Variants in FOXK2 observed in about 807,000 individuals in gnomAD.
FOXK2 encodes the protein forkhead box K2.
In FOXK2, 24 loss-of-function variants were observed where a neutral mutation model predicts 53.3. That is an observed-to-expected ratio of 0.45 (90% CI 0.33 to 0.63). The LOEUF is 0.63. FOXK2 is among the 30% of genes least tolerant of loss of function. The probability of loss-of-function intolerance (pLI) is 0.03; values close to 1 mark genes in which losing one functional copy is unlikely to be tolerated. For missense variants in FOXK2, 952 were observed against 910.5 expected (o/e 1.05, Z -0.59); for synonymous variants, 505 against 407.1 (o/e 1.24, Z -2.89).
chr17:82,538,325 C>T (rs1368902963), intron 1 of FOXK2, among the ~76,000 whole-genome samples: 4 of 152,048 alleles, frequency 2.6e-5, no homozygotes, highest in Non-Finnish European at 5.9e-5. Context: ...TCTTTCTCTA[C>T]AAAAAATTTA....
rs1190543261 is a variant in FOXK2 at position 82,596,048 on chromosome 17, G to A, written c.1787-5255G>A. On this transcript the variant is annotated intron_variant, in intron 8 of 8. Transcript: ENST00000335255. ...CGCGTCTGTGCATCTCTGGCCTACC[G>A]CAGTGGCCCCGGCTGTCTGCACATT... 9 of 1,119,976 alleles carry A rather than the reference G, an allele frequency of 8.0e-6. No homozygotes were observed. The African/African-American group carries it at 9.9e-5, about 12-fold the overall frequency. The allele number at this position is 1,119,976 out of a possible 1,614,324, so 69.4% of individuals were successfully genotyped here.
At chr17:82,525,069 G>A (rs2044403405) in intron 1 of FOXK2, among the ~76,000 whole-genome samples, 1 of 150,884 alleles carries the variant, frequency 6.6e-6, no homozygotes, top group Admixed American at 6.6e-5. Flanking sequence ...TCCGCCTCCC[G>A]GGTTCAAGTG....
At chr17:82,561,523 A>G (rs1204908343) in intron 1 of FOXK2, among the ~76,000 whole-genome samples, 1 of 152,012 alleles carries the variant, frequency 6.6e-6, no homozygotes, top group Non-Finnish European at 1.5e-5. Context: ...CAAAGTGGGA[A>G]CCAGAGTCTG....
At chr17:82,527,290 A>G (rs966849671) in intron 1 of FOXK2, among the ~76,000 whole-genome samples, 3 of 151,950 alleles carry the variant, frequency 2.0e-5, no homozygotes, top group Non-Finnish European at 4.4e-5. Context: ...ACAGGCATGC[A>G]CCACCATGCT....
Position 82,586,064 on chromosome 17 carries a change from G to A in FOXK2, c.1440G>A (p.Val480=), listed in dbSNP as rs2045137877. 1 of 1,612,792 alleles carries A rather than the reference G, an allele frequency of 6.2e-7. No homozygotes were observed. Among genetic ancestry groups the A allele is most frequent in the Admixed American group, 1.7e-5 (1 of 60,024 alleles). Residue 480 remains valine, a synonymous_variant, in exon 7 of 9, where the codon GTG becomes GTA. Transcript: ENST00000335255. ...ACGTCGTCCACCAGATCCCAGCGGT[G>A]TCGGTCACCAGTGTGGCCGGACTGG... is the stretch of plus-strand genomic sequence containing the variant. The part of the protein sequence containing the change: ...TVHVVHQIPA[V]SVTSVAGLAP...
chr17:82,583,234 C>G (rs1232065363), intron 5 of FOXK2, among the ~76,000 whole-genome samples: 1 of 152,180 alleles, frequency 6.6e-6, no homozygotes, highest in Non-Finnish European at 1.5e-5. Flanking sequence ...TCCCTTGGCA[C>G]AGGAAAAGTT....
chr17:82,526,250 G>A (rs547248584), intron 1 of FOXK2, among the ~76,000 whole-genome samples: 31 of 152,228 alleles, frequency 2.0e-4, no homozygotes, highest in African/African-American at 6.3e-4. Context: ...TGAGCTTCCC[G>A]GAGAATCCCA....
At chr17:82,600,312 C>G (rs1567991673) in intron 8 of FOXK2, 1 of 152,294 alleles carries the variant, frequency 6.6e-6, no homozygotes, top group Non-Finnish European at 1.5e-5. Context: ...GTGGAATCTG[C>G]CCACTCTGTT....
intron 7 of FOXK2, 102 bp from the exon 8 acceptor site, chr17:82,586,961 T>C (rs530928468): frequency 9.5e-7 from 1 of 1,047,756 alleles, no homozygotes; most frequent in Non-Finnish European, 1.5e-6. Flanking sequence ...AGAGACATTT[T>C]CTAGCAGGTG....
intron 5 of FOXK2, among the ~76,000 whole-genome samples, chr17:82,583,373 C>T (rs1344801463): frequency 6.6e-6 from 1 of 152,096 alleles, no homozygotes; most frequent in Non-Finnish European, 1.5e-5. Context: ...GGTCAAACCC[C>T]GTCTCTACTA....
At chr17:82,597,270 A>G (rs2045323788) in intron 8 of FOXK2, among the ~76,000 whole-genome samples, 1 of 152,222 alleles carries the variant, frequency 6.6e-6, no homozygotes, top group African/African-American at 2.4e-5. Flanking sequence ...TCTTTAGATC[A>G]ACAGAGTCAG....
chr17:82,527,057 G>A (rs1274680176), intron 1 of FOXK2, among the ~76,000 whole-genome samples: 1 of 152,170 alleles, frequency 6.6e-6, no homozygotes. Context: ...TTTGCGACCT[G>A]AAACTCCTGA....
Position 82,582,594 on chromosome 17 carries a change from T to C in FOXK2, c.910-147T>C, listed in dbSNP as rs78360351. On this transcript the variant is annotated intron_variant, in intron 4 of 8. Transcript: ENST00000335255. ...TGTTATGTTGTCAGCACATTACTTGTGTGACGCAAAAGAAAAAAAATTCAC... is the reference window on the plus strand; with the variant it reads ...TGTTATGTTGTCAGCACATTACTTGCGTGACGCAAAAGAAAAAAAATTCAC... 1,290 of 615,558 alleles carry C rather than the reference T, an allele frequency of 2.1e-3. 16 individuals carry two copies. The African/African-American group carries it at 0.022, about 11-fold the overall frequency. The allele number at this position is 615,558 out of a possible 1,614,324, so 38.1% of individuals were successfully genotyped here. A position where few individuals can be genotyped will look rare whatever the true frequency, so the allele number is the denominator to read the frequency against.
chr17:82,544,865 C>T (rs1277012292), intron 1 of FOXK2, among the ~76,000 whole-genome samples: 2 of 152,058 alleles, frequency 1.3e-5, no homozygotes, highest in Non-Finnish European at 2.9e-5. Context: ...CTGTCTGTCC[C>T]CCTTTCCTCT....
intron 8 of FOXK2, chr17:82,595,643 A>T (rs1243075502): frequency 9.0e-6 from 5 of 557,038 alleles, no homozygotes; most frequent in Non-Finnish European, 1.4e-5. Flanking sequence ...AGTGCTATAC[A>T]TGTGGTCACG....
intron 1 of FOXK2, among the ~76,000 whole-genome samples, chr17:82,530,445 TAA>T (rs919452670): frequency 3.8e-4 from 30 of 78,880 alleles, no homozygotes; most frequent in Non-Finnish European, 6.8e-4. Flanking sequence ...AAACTCCATC[TAA>T]AAAAAAAAAA....
intron 1 of FOXK2, among the ~76,000 whole-genome samples, chr17:82,535,686 C>G (rs72861031): frequency 6.6e-6 from 1 of 151,360 alleles, no homozygotes; most frequent in African/African-American, 2.4e-5. Flanking sequence ...CTGTCTCTGT[C>G]GATAGTCCTG....
intron 1 of FOXK2, among the ~76,000 whole-genome samples, chr17:82,557,749 A>G (rs1281619626): frequency 1.3e-5 from 2 of 152,182 alleles, no homozygotes; most frequent in Non-Finnish European, 2.9e-5. Flanking sequence ...CCCAGGGTCA[A>G]GCAATCCTCC....
intron 1 of FOXK2, among the ~76,000 whole-genome samples, chr17:82,536,849 GC>G (rs1332661759): frequency 6.6e-6 from 1 of 152,204 alleles, no homozygotes; most frequent in Non-Finnish European, 1.5e-5. Flanking sequence ...GTAATCTTCT[GC>G]CCCAGGCATC....
Sources: allele counts gnomAD v4.1 joint callset (sites outside exome capture counted in the v4.1 genomes callset), GRCh38; gene constraint gnomAD v4.1.1; transcripts MANE v1.5; gene names NCBI Gene and HGNC (gene_info 2026-07-23, HGNC 2026-07-21).